The following DPY19L2 variants were observed in gnomAD, a reference collection of about 807,000 sequenced individuals.
DPY19L2 encodes probable C-mannosyltransferase DPY19L2.
In DPY19L2, 34 loss-of-function variants were observed where a neutral mutation model predicts 97.9. That is an observed-to-expected ratio of 0.35 (90% confidence interval 0.26 to 0.46). The LOEUF is 0.46. Ranked by LOEUF, DPY19L2 falls within the 20% of genes least tolerant of loss-of-function variation. DPY19L2 has a pLI of 1.00. For missense variants in DPY19L2, 623 were observed against 911.4 expected (o/e 0.68, Z 4.07); for synonymous variants, 230 against 307.9 (o/e 0.75, Z 2.65).
intron 20 of DPY19L2, 113 bp downstream of exon 20, chr12:63,570,644 AG>A: frequency 1.1e-6 from 1 of 904,346 alleles, no homozygotes; most frequent in Non-Finnish European, 1.6e-6. Flanking sequence ...AATGAGGATG[AG>A]TTTGTGTGTG....
chr12:63,570,658 TG>T (rs1357150819), intron 20 of DPY19L2, 99 bp downstream of exon 20: 130 of 915,110 alleles, frequency 1.4e-4, no homozygotes, highest in Non-Finnish European at 5.1e-6. Context: ...TGTGTGTGTG[TG>T]TGTGTGTGTG....
intron 6 of DPY19L2, among the ~76,000 whole-genome samples, chr12:63,627,790 A>C (rs1889829794): frequency 6.6e-6 from 1 of 152,164 alleles, no homozygotes; most frequent in Non-Finnish European, 1.5e-5. Flanking sequence ...ACACATTCTA[A>C]GCACCATGAG....
At chr12:63,591,158 C>G in intron 16 of DPY19L2, 1 of 452,094 alleles carries the variant, frequency 2.2e-6, no homozygotes, top group Non-Finnish European at 4.5e-6. Flanking sequence ...TCTATTATCC[C>G]CTTTATTTTG....
At chr12:63,665,974 A>C in intron 1 of DPY19L2, 115 bp from the exon 2 acceptor site, 1 of 1,014,862 alleles carries the variant, frequency 9.9e-7, no homozygotes, top group Non-Finnish European at 1.4e-6. Flanking sequence ...ACACAAAGCA[A>C]GACGGCCAGC....
chr12:63,655,731 G>C (rs1894876650), intron 4 of DPY19L2, among the ~76,000 whole-genome samples: 1 of 140,720 alleles, frequency 7.1e-6, no homozygotes, highest in Admixed American at 7.1e-5. Flanking sequence ...TTATAGGGGA[G>C]ATAAGGAAGG....
chr12:63,595,871 G>A, intron 15 of DPY19L2, 95 bp downstream of exon 15: 2 of 1,154,520 alleles, frequency 1.7e-6, no homozygotes, highest in Non-Finnish European at 2.4e-6. Flanking sequence ...GAGAGAAAGA[G>A]TTCATCCTAA....
chr12:63,618,263 G>T lies in DPY19L2; in HGVS notation c.1054-35C>A, dbSNP rs768310826. ...TATAAAAAAGCAAAAGTGAAAAAAA[G>T]TATAGAAAACTAACACTTTACTATT... On this transcript the variant is annotated intron_variant, in intron 9 of 21. Coordinates refer to ENST00000324472, the MANE Select transcript of DPY19L2 (RefSeq NM_173812.5). The T allele has an allele frequency of 2.9e-5, 27 of 937,090 alleles. No individual in the cohort carries two copies. In the South Asian group the frequency reaches 5.2e-4, roughly 18 times the overall value. The allele number at this position is 937,090 out of a possible 1,614,324, so 58.0% of individuals were successfully genotyped here. A position where few individuals can be genotyped will look rare whatever the true frequency, so the allele number is the denominator to read the frequency against.
chr12:63,581,061 A>G (rs958764123), intron 18 of DPY19L2, among the ~76,000 whole-genome samples: 6 of 152,184 alleles, frequency 3.9e-5, no homozygotes, highest in Admixed American at 6.5e-5. Context: ...GAATTAAGGA[A>G]GATATACCTG....
chr12:63,652,081 T>C (rs1894324239), intron 4 of DPY19L2, among the ~76,000 whole-genome samples: 1 of 151,794 alleles, frequency 6.6e-6, no homozygotes, highest in Non-Finnish European at 1.5e-5. Context: ...ATAGTAATAA[T>C]ACAATGTCAC....
At chr12:63,629,620 G>C in intron 6 of DPY19L2, among the ~76,000 whole-genome samples, 1 of 152,144 alleles carries the variant, frequency 6.6e-6, no homozygotes, top group Non-Finnish European at 1.5e-5. Context: ...GGGGAGAATG[G>C]AACCAAGTTG....
intron 13 of DPY19L2, 44 bp from the exon 14 acceptor site, chr12:63,597,954 T>C (rs778106211): frequency 7.0e-7 from 1 of 1,425,278 alleles, no homozygotes; most frequent in East Asian, 2.3e-5. Flanking sequence ...ACACAAGTGA[T>C]TATAGCCTAT....
chr12:63,599,701 TA>T (rs1408999907), intron 13 of DPY19L2, among the ~76,000 whole-genome samples: 1 of 152,126 alleles, frequency 6.6e-6, no homozygotes, highest in Non-Finnish European at 1.5e-5. Context: ...TTCTATTCCC[TA>T]AACCAGTTAG....
chr12:63,579,424 T>C (rs753790287), intron 19 of DPY19L2, among the ~76,000 whole-genome samples: 7 of 152,106 alleles, frequency 4.6e-5, no homozygotes, highest in Admixed American at 3.3e-4. Context: ...AGATAACTCA[T>C]AATAAGGGTA....
At chr12:63,621,464 T>C (rs1238786255) in intron 8 of DPY19L2, 127 bp from the exon 9 acceptor site, 8 of 703,250 alleles carry the variant, frequency 1.1e-5, no homozygotes, top group East Asian at 2.8e-5. Flanking sequence ...CAACAAAATA[T>C]AGTTAACTTC....
At chr12:63,620,740 T>C (rs1193071065) in intron 9 of DPY19L2, among the ~76,000 whole-genome samples, 1 of 152,160 alleles carries the variant, frequency 6.6e-6, no homozygotes, top group Non-Finnish European at 1.5e-5. Flanking sequence ...ATCATTCTAT[T>C]ACAAAGACAC....
chr12:63,640,840 A>G (rs571049025), intron 6 of DPY19L2, among the ~76,000 whole-genome samples: 37 of 152,306 alleles, frequency 2.4e-4, no homozygotes, highest in African/African-American at 8.7e-4. Context: ...AACAAAAAAG[A>G]TAAGAAATAC....
rs549659706 is a variant in DPY19L2, at chr12:63,595,917, T to C, written c.1533+49A>G. 2.9e-5 allele frequency: 43 copies of C among 1,490,342 alleles called. No individual in the cohort carries two copies. The East Asian group carries it at 4.0e-4, about 14-fold the overall frequency. 92.3% of individuals were successfully genotyped at this position (1,490,342 alleles called of 1,614,324 possible). ...GAATTCTGAGCAATTTGCATTCTTA[T>C]AGTCCTTATATTGATGCCAAAAACA... On this transcript the variant is annotated intron_variant, in intron 15 of 21. Coordinates refer to ENST00000324472, the MANE Select transcript of DPY19L2 (RefSeq NM_173812.5).
At chr12:63,618,878 C>T (rs1434245584) in intron 9 of DPY19L2, among the ~76,000 whole-genome samples, 1 of 152,012 alleles carries the variant, frequency 6.6e-6, no homozygotes, top group East Asian at 1.9e-4. Flanking sequence ...AGAAATAGAT[C>T]CACAAAAGAT....
chr12:63,647,099 A>C (rs1893513805), intron 5 of DPY19L2, 146 bp downstream of exon 5: 1 of 765,746 alleles, frequency 1.3e-6, no homozygotes, highest in South Asian at 4.2e-5. Context: ...AACTATTTTA[A>C]AATGTAAAAT....
Sources: allele counts gnomAD v4.1 joint callset (sites outside exome capture counted in the v4.1 genomes callset), GRCh38; gene constraint gnomAD v4.1.1; transcripts MANE v1.5; gene names NCBI Gene and HGNC (gene_info 2026-07-23, HGNC 2026-07-21).